Variants in GCNT2 observed in about 807,000 individuals in gnomAD.
GCNT2 encodes the protein N-acetyllactosaminide beta-1,6-N-acetylglucosaminyl-transferase.
A neutral mutation model predicts 34.2 loss-of-function variants in GCNT2; 34 were observed. That is an observed-to-expected ratio of 1.00 (90% CI 0.76 to 1.32). GCNT2 has a LOEUF of 1.32. GCNT2 is among the 40% of genes most tolerant of loss of function. The pLI is 0.00. For synonymous variants in GCNT2, 212 were observed against 188.0 expected, an observed-to-expected ratio of 1.13 and a Z score of -1.04; for missense variants, 584 against 489.4, an observed-to-expected ratio of 1.19 and a Z score of -1.82.
chr6:10,538,268 C>T (rs1433643377), intron 3 of GCNT2, among the ~76,000 whole-genome samples: 3 of 151,134 alleles, frequency 2.0e-5, no homozygotes, highest in Non-Finnish European at 4.4e-5. Flanking sequence ...ATTAGCCAGG[C>T]ATGGTGGTGC....
intron 3 of GCNT2, among the ~76,000 whole-genome samples, chr6:10,550,975 G>A (rs756851747): frequency 6.6e-6 from 1 of 152,086 alleles, no homozygotes; most frequent in African/African-American, 2.4e-5. Flanking sequence ...CCAATGTTTT[G>A]GTAATACAAT....
At chr6:10,534,146 T>C (rs929541418) in intron 3 of GCNT2, among the ~76,000 whole-genome samples, 1 of 135,606 alleles carries the variant, frequency 7.4e-6, no homozygotes, top group Non-Finnish European at 1.6e-5. Flanking sequence ...CTGCTCTTTT[T>C]TTTTTTTTTT....
chr6:10,621,314 CTCTCA>C, intron 3 of GCNT2, 32 bp from the exon 4 acceptor site: 1 of 1,310,208 alleles, frequency 7.6e-7, no homozygotes, highest in Non-Finnish European at 1.1e-6. Context: ...TCTCTCATGA[CTCTCA>C]TCTCTACGCT....
At chr6:10,622,662 A>G (rs1037362350) in intron 4 of GCNT2, among the ~76,000 whole-genome samples, 3 of 151,968 alleles carry the variant, frequency 2.0e-5, no homozygotes, top group Non-Finnish European at 2.9e-5. Context: ...GAACAAATGA[A>G]TCAATGAATG....
chr6:10,603,372 C>G (rs1561831809), intron 3 of GCNT2, among the ~76,000 whole-genome samples: 1 of 152,106 alleles, frequency 6.6e-6, no homozygotes, highest in African/African-American at 2.4e-5. Flanking sequence ...ATTTTCTTCC[C>G]TTTTTTTCTG....
intron 3 of GCNT2, chr6:10,557,120 G>C (rs1762752738): frequency 6.4e-7 from 1 of 1,558,658 alleles, no homozygotes; most frequent in Non-Finnish European, 8.6e-7. Flanking sequence ...TGTCCACCAA[G>C]AGCACCTGGG....
intron 3 of GCNT2, chr6:10,556,931 A>T: frequency 6.2e-7 from 1 of 1,614,150 alleles, no homozygotes; most frequent in Non-Finnish European, 8.5e-7. Flanking sequence ...GGCTGACCTG[A>T]ACTGCATCAG....
intron 3 of GCNT2, chr6:10,555,772 G>T: frequency 6.1e-6 from 6 of 985,438 alleles, no homozygotes; most frequent in Admixed American, 6.1e-5. Flanking sequence ...TTACAATGGA[G>T]CTGGGATGGA....
At chr6:10,588,807 GT>G (rs34085011) in intron 3 of GCNT2, among the ~76,000 whole-genome samples, 2 of 144,436 alleles carry the variant, frequency 1.4e-5, no homozygotes, top group Admixed American at 6.9e-5. Flanking sequence ...GTGTGTGTGT[GT>G]GGTGTATGTG....
At chr6:10,616,042 C>T (rs1256052772) in intron 3 of GCNT2, among the ~76,000 whole-genome samples, 1 of 152,210 alleles carries the variant, frequency 6.6e-6, no homozygotes, top group African/African-American at 2.4e-5. Context: ...TGCGGACTCT[C>T]GCAGTGAGTG....
At chr6:10,535,195 C>G (rs1448171128) in intron 3 of GCNT2, among the ~76,000 whole-genome samples, 1 of 152,012 alleles carries the variant, frequency 6.6e-6, no homozygotes, top group Non-Finnish European at 1.5e-5. Context: ...AAAACAAAAA[C>G]AGACAAAAAC....
intron 3 of GCNT2, among the ~76,000 whole-genome samples, chr6:10,534,158 T>TTTTTTTTTTTTTTTTTTTTTTTTTTC (rs1554126559): frequency 6.8e-6 from 1 of 146,022 alleles, no homozygotes; most frequent in Non-Finnish European, 1.5e-5. Flanking sequence ...TTTTTTTTTT[T>TTTTTTTTTTTTTTTTTTTTTTTTTTC]TAAGATGGAG....
At chr6:10,574,372 A>AT (rs1763696170) in intron 3 of GCNT2, among the ~76,000 whole-genome samples, 1 of 152,146 alleles carries the variant, frequency 6.6e-6, no homozygotes, top group African/African-American at 2.4e-5. Context: ...TATTACCTTC[A>AT]TTTTACAGAA....
intron 3 of GCNT2, among the ~76,000 whole-genome samples, chr6:10,566,666 A>G (rs1314809508): frequency 6.6e-6 from 1 of 152,238 alleles, no homozygotes; most frequent in African/African-American, 2.4e-5. Context: ...CAGCAGCTGC[A>G]CGGGCCTATT....
intron 3 of GCNT2, among the ~76,000 whole-genome samples, chr6:10,596,520 C>CA (rs138414233): frequency 0.15 from 21,499 of 141,358 alleles, 1,703 homozygotes; most frequent in Middle Eastern, 0.23. Flanking sequence ...GACTCCATCT[C>CA]AAAAAAAAAA....
chr6:10,576,650 G>C (rs1763826959), intron 3 of GCNT2, among the ~76,000 whole-genome samples: 1 of 151,876 alleles, frequency 6.6e-6, no homozygotes, highest in Non-Finnish European at 1.5e-5. Flanking sequence ...GATGAAAGAG[G>C]GCTTTTCAAT....
intron 3 of GCNT2, chr6:10,575,018 C>A: frequency 1.5e-6 from 1 of 670,946 alleles, no homozygotes; most frequent in Non-Finnish European, 2.8e-6. Context: ...ATGCCAACGG[C>A]ATGCTGGGGA....
At chr6:10,537,219 C>G (rs1478335818) in intron 3 of GCNT2, among the ~76,000 whole-genome samples, 2 of 152,196 alleles carry the variant, frequency 1.3e-5, no homozygotes, top group Non-Finnish European at 2.9e-5. Flanking sequence ...GTGATCTTAT[C>G]TTTGCTAACC....
chr6:10,618,117 T>A (rs1028471235), intron 3 of GCNT2, among the ~76,000 whole-genome samples: 16 of 152,058 alleles, frequency 1.1e-4, no homozygotes, highest in Admixed American at 8.5e-4. Context: ...AGAGCCACAC[T>A]CAAAAAGCAA....
Sources: allele counts gnomAD v4.1 joint callset (sites outside exome capture counted in the v4.1 genomes callset), GRCh38; gene constraint gnomAD v4.1.1; transcripts MANE v1.5; gene names NCBI Gene and HGNC (gene_info 2026-07-23, HGNC 2026-07-21).